PTGFRN: variants seen among roughly 807,000 people sequenced by gnomAD.
PTGFRN encodes prostaglandin F2 receptor inhibitor, also known as prostaglandin F2 receptor negative regulator.
A neutral mutation model predicts 83.2 loss-of-function variants in PTGFRN; 35 were observed. The observed-to-expected ratio is 0.42, with a 90% CI of 0.32 to 0.56. PTGFRN has a LOEUF of 0.56. Among genes scored for constraint, PTGFRN ranks in the 20% least tolerant of loss-of-function variants. The probability of loss-of-function intolerance (pLI) is 0.11; values close to 1 mark genes in which losing one functional copy is unlikely to be tolerated. For missense variants in PTGFRN, 1,051 were observed against 1,179.5 expected (o/e 0.89, Z 1.60); for synonymous variants, 519 against 498.6 (o/e 1.04, Z -0.55).
intron 1 of PTGFRN, among the ~76,000 whole-genome samples, chr1:116,913,715 G>C (rs572234541): frequency 2.4e-4 from 37 of 152,318 alleles, no homozygotes; most frequent in African/African-American, 7.0e-4. Flanking sequence ...CTGGTTGTTT[G>C]ATACATATTG....
chr1:116,942,965 T>G (rs1323733233), intron 2 of PTGFRN, among the ~76,000 whole-genome samples: 1 of 152,256 alleles, frequency 6.6e-6, no homozygotes, highest in African/African-American at 2.4e-5. Flanking sequence ...CAAACCATTT[T>G]AATTTGGGGC....
chr1:116,944,700 T>C lies in PTGFRN; in HGVS notation c.440T>C (p.Val147Ala). 7.0e-7 allele frequency: 1 copy of C among 1,425,826 alleles called. No homozygotes were observed. 88.3% of individuals were successfully genotyped at this position (1,425,826 alleles called of 1,614,324 possible). A position where few individuals can be genotyped will look rare whatever the true frequency, so the allele number is the denominator to read the frequency against. ...QVKVLADSLH[V>A]GPSARPPPSL... ...GCAGTGCTGGCCGACTCCCTGCACGTGGGCCCCAGCGCGCGGCCCCCGCCG... is the reference window on the plus strand; with the variant it reads ...GCAGTGCTGGCCGACTCCCTGCACGCGGGCCCCAGCGCGCGGCCCCCGCCG... Residue 147 changes from valine (V) to alanine (A), a missense_variant, in exon 3 of 9, where the codon GTG becomes GCG. Coordinates refer to ENST00000393203, the MANE Select transcript of PTGFRN (RefSeq NM_020440.4).
chr1:116,966,508 G>T (rs1430726159), intron 5 of PTGFRN, among the ~76,000 whole-genome samples: 3 of 152,226 alleles, frequency 2.0e-5, no homozygotes, highest in African/African-American at 7.2e-5. Context: ...AAATGGTATG[G>T]CCAGGAGCCT....
In PTGFRN at chr1:116,923,788, G is replaced by A. The variant is rs995619971; in HGVS notation, c.49+13536G>A. On this transcript the variant is annotated intron_variant, in intron 1 of 8. Coordinates refer to ENST00000393203, the MANE Select transcript of PTGFRN (RefSeq NM_020440.4). The surrounding 1 kb of genome is among the most constrained non-coding windows in gnomAD (Gnocchi z 4.0). ...TGAGCAAAGGGGCAGTAGTACTGCC[G>A]CCTGTAGCGTGGGCCTGGTCTCACT... Among the ~76,000 whole-genome samples, 4 of 152,160 alleles carry A rather than the reference G, an allele frequency of 2.6e-5. No homozygotes were observed. The highest frequency in any genetic ancestry group is 5.9e-5 in the Non-Finnish European group (4 of 68,034).
intron 7 of PTGFRN, among the ~76,000 whole-genome samples, chr1:116,976,880 C>T (rs1477172044): frequency 1.3e-5 from 2 of 152,120 alleles, no homozygotes; most frequent in Non-Finnish European, 2.9e-5. Context: ...ACAATATTAA[C>T]CTTAAATGTA....
chr1:116,972,853 T>A (rs774602099), intron 6 of PTGFRN, among the ~76,000 whole-genome samples: 2 of 152,244 alleles, frequency 1.3e-5, no homozygotes, highest in Non-Finnish European at 2.9e-5. Context: ...GAGTTAAAAA[T>A]AATAATTCTG....
In PTGFRN at chr1:116,955,530, A is replaced by G. The variant is rs191416575; in HGVS notation, c.1214-5713A>G. Among the ~76,000 whole-genome samples, 9 of 152,268 alleles carry G rather than the reference A, an allele frequency of 5.9e-5. No individual in the cohort carries two copies. The East Asian group carries it at 1.5e-3, about 26-fold the overall frequency. On this transcript the variant is annotated intron_variant, in intron 4 of 8. Coordinates refer to ENST00000393203, the MANE Select transcript of PTGFRN (RefSeq NM_020440.4). The stretch of plus-strand genomic sequence containing the variant: ...TAGAAGAGTATAAAGTATATCCCAG[A>G]CATCATGTCATTTTACTGTTAAACA...
chr1:116,960,804 G>C (rs1463521681), intron 4 of PTGFRN, among the ~76,000 whole-genome samples: 1 of 152,198 alleles, frequency 6.6e-6, no homozygotes, highest in South Asian at 2.1e-4. Flanking sequence ...GGAATTTACT[G>C]TTGGGTGGGG....
intron 6 of PTGFRN, among the ~76,000 whole-genome samples, chr1:116,971,909 G>A (rs954953026): frequency 1.3e-5 from 2 of 152,204 alleles, no homozygotes; most frequent in Admixed American, 1.3e-4. Flanking sequence ...GTCATTTTAT[G>A]TTCTCTTAGA....
intron 3 of PTGFRN, 82 bp downstream of exon 3, chr1:116,945,174 A>C: frequency 6.8e-7 from 1 of 1,480,818 alleles, no homozygotes; most frequent in Non-Finnish European, 9.0e-7. Context: ...AGGGAGCCCC[A>C]TGGCCTTCTG....
chr1:116,973,695 C>T (rs1359708923), intron 6 of PTGFRN, among the ~76,000 whole-genome samples: 1 of 151,978 alleles, frequency 6.6e-6, no homozygotes, highest in Non-Finnish European at 1.5e-5. Context: ...GCTACCACCA[C>T]ACCTCATAGA....
At chr1:116,934,117 C>A (rs573071121) in intron 1 of PTGFRN, among the ~76,000 whole-genome samples, 113 of 151,872 alleles carry the variant, frequency 7.4e-4, no homozygotes, top group Admixed American at 1.6e-3. Flanking sequence ...CTTTTACTGA[C>A]TTTTGTTTTA....
chr1:116,944,029 C>T (rs956187916), intron 2 of PTGFRN, among the ~76,000 whole-genome samples: 8 of 152,162 alleles, frequency 5.3e-5, no homozygotes, highest in Non-Finnish European at 1.0e-4. Flanking sequence ...TTTTTCTAGA[C>T]TCTGTAGAAG....
At chr1:116,922,458 A>C (rs1649559809) in intron 1 of PTGFRN, among the ~76,000 whole-genome samples, 1 of 152,170 alleles carries the variant, frequency 6.6e-6, no homozygotes, top group Admixed American at 6.5e-5. Flanking sequence ...TCCCACAAAC[A>C]AGTTTCAGCG....
At chr1:116,944,156 G>C (rs1650123890) in intron 2 of PTGFRN, among the ~76,000 whole-genome samples, 1 of 152,224 alleles carries the variant, frequency 6.6e-6, no homozygotes, top group South Asian at 2.1e-4. Flanking sequence ...TGTGGATCTT[G>C]CTACTTTAAG....
In PTGFRN at chr1:116,918,767, A is replaced by G. The variant is rs1262365645; in HGVS notation, c.49+8515A>G. Among the ~76,000 whole-genome samples the G allele has an allele frequency of 6.6e-6, 1 of 152,200 alleles. No homozygotes were observed. Among genetic ancestry groups the G allele is most frequent in the Non-Finnish European group, 1.5e-5 (1 of 68,038 alleles). ...GCAGTGGGCCTAGTTTCGTGGCTTT[A>G]TCCCACCAAGTTTGGCAGCCTAGGA... On this transcript the variant is annotated intron_variant, in intron 1 of 8. Coordinates refer to ENST00000393203, the MANE Select transcript of PTGFRN (RefSeq NM_020440.4). The surrounding 1 kb of genome is among the most constrained non-coding windows in gnomAD (Gnocchi z 4.1).
rs1650060367 is a variant in PTGFRN at position 116,941,515 on chromosome 1, A to T, written c.50-200A>T. ...GGTCCTGGGAAACTGGTTGTGTGAG[A>T]GATGCTCATTTTGAGGTTGCATTCC... is the stretch of plus-strand genomic sequence containing the variant. On this transcript the variant is annotated intron_variant, in intron 1 of 8. Coordinates refer to ENST00000393203, the MANE Select transcript of PTGFRN (RefSeq NM_020440.4). This position sits in a 1 kb window ranked among gnomAD's most constrained non-coding sequence, Gnocchi z 5.0. Among the ~76,000 whole-genome samples the T allele has an allele frequency of 6.6e-6, 1 of 152,144 alleles. No individual in the cohort carries two copies.
intron 4 of PTGFRN, among the ~76,000 whole-genome samples, chr1:116,955,919 T>C (rs1177780596): frequency 2.0e-5 from 3 of 152,120 alleles, no homozygotes; most frequent in African/African-American, 7.2e-5. Flanking sequence ...ATTTGTTGAA[T>C]ACGAAATAGG....
rs1402738413 is a variant in PTGFRN at position 116,984,817 on chromosome 1, G to T, written c.2305G>T (p.Glu769Ter). The change falls in exon 8 of 9, where the codon GAG becomes TAG. Residue 769 changes from glutamate to a stop codon, truncating the protein, a stop_gained. Transcript: ENST00000393203. LOFTEE classifies it high-confidence loss of function. ...RRDWKSDLSL[E>*]RVSVLEFLLQ... is the part of the protein sequence containing the mutation. ...GGACTGGAAGAGCGACCTCAGCCTG[G>T]AGCGCGTGAGTGTGCTGGAATTCTT... The T allele has an allele frequency of 6.2e-7, 1 of 1,613,960 alleles. No individual in the cohort carries two copies. The highest frequency in any genetic ancestry group is 1.3e-5 in the African/African-American group (1 of 74,850).
Sources: allele counts gnomAD v4.1 joint callset (sites outside exome capture counted in the v4.1 genomes callset), GRCh38; gene constraint gnomAD v4.1.1; non-coding constraint Gnocchi (gnomAD v3.1); transcripts MANE v1.5; gene names NCBI Gene and HGNC (gene_info 2026-07-23, HGNC 2026-07-21).